BRAF: variants seen among roughly 807,000 people sequenced by gnomAD.
BRAF encodes B-Raf proto-oncogene, serine/threonine kinase, also known as serine/threonine-protein kinase B-raf.
Under a neutral mutation model 104.6 loss-of-function variants are expected in BRAF, and 16 were observed. The ratio of observed to expected loss-of-function variants is 0.15; its 90% confidence interval spans 0.10 to 0.23. BRAF has a LOEUF of 0.23. Ranked by LOEUF, BRAF falls within the 10% of genes least tolerant of loss-of-function variation. BRAF has a pLI of 1.00. For missense variants in BRAF, 541 were observed against 937.3 expected, an observed-to-expected ratio of 0.58 and a Z score of 5.52; for synonymous variants, 310 against 341.6, an observed-to-expected ratio of 0.91 and a Z score of 1.02.
intron 1 of BRAF, among the ~76,000 whole-genome samples, chr7:140,895,292 T>G (rs573246783): frequency 1.3e-5 from 2 of 152,262 alleles, no homozygotes; most frequent in South Asian, 4.1e-4. Flanking sequence ...TTTTTAAAAA[T>G]GCCCAACTGT....
At chr7:140,909,255 G>A (rs944370701) in intron 1 of BRAF, among the ~76,000 whole-genome samples, 13 of 151,784 alleles carry the variant, frequency 8.6e-5, no homozygotes, top group African/African-American at 3.1e-4. Flanking sequence ...GAAAACCCCC[G>A]TCTCTAATAA....
In BRAF at chr7:140,880,221, T is replaced by C. The variant is rs1180093393; in HGVS notation, c.139-30009A>G. 2.0e-5 allele frequency among the ~76,000 whole-genome samples: 3 copies of C among 152,286 alleles called. No individual in the cohort carries two copies. The East Asian group carries it at 5.8e-4, about 29-fold the overall frequency. On this transcript the variant is annotated intron_variant, in intron 1 of 19. Coordinates refer to ENST00000644969, the MANE Select transcript of BRAF (RefSeq NM_001374258.1). ...AACTAATTTTATGTAAAATTCTAAA[T>C]CTTTTGCTGTCATTTTATCAGTGTT...
chr7:140,765,149 T>C (rs1394516045), intron 14 of BRAF, among the ~76,000 whole-genome samples: 1 of 151,918 alleles, frequency 6.6e-6, no homozygotes, highest in Non-Finnish European at 1.5e-5. Context: ...ACGCCACATA[T>C]CTACAACTAT....
At chr7:140,744,097 G>C (rs1452154657) in intron 17 of BRAF, among the ~76,000 whole-genome samples, 2 of 152,200 alleles carry the variant, frequency 1.3e-5, no homozygotes, top group Non-Finnish European at 2.9e-5. Context: ...TGCCTGATCA[G>C]AGTGTCTGTT....
At chr7:140,878,046 A>C (rs746421301) in intron 1 of BRAF, among the ~76,000 whole-genome samples, 7 of 152,156 alleles carry the variant, frequency 4.6e-5, no homozygotes, top group Non-Finnish European at 1.0e-4. Context: ...CTTTACACTA[A>C]TACAAAAGAC....
At chr7:140,814,404 C>G (rs1236011414) in intron 3 of BRAF, among the ~76,000 whole-genome samples, 1 of 152,136 alleles carries the variant, frequency 6.6e-6, no homozygotes, top group Non-Finnish European at 1.5e-5. Flanking sequence ...GTGGCTCATG[C>G]CTGTAATCCC....
intron 8 of BRAF, among the ~76,000 whole-genome samples, chr7:140,788,688 A>C (rs1449588115): frequency 6.6e-6 from 1 of 151,940 alleles, no homozygotes; most frequent in Non-Finnish European, 1.5e-5. Flanking sequence ...TCTTGGGTTC[A>C]AGTGATCCTC....
intron 1 of BRAF, among the ~76,000 whole-genome samples, chr7:140,918,775 T>C (rs1221100689): frequency 2.6e-5 from 4 of 152,252 alleles, no homozygotes; most frequent in Non-Finnish European, 5.9e-5. Context: ...TGCCAGGTAC[T>C]ATTATAGATG....
rs1255355860 is a variant in BRAF at position 140,724,713 on chromosome 7, T to C, written c.*1781A>G. ...GGAGTTACAATCTGAAATTTTTAAA[T>C]AACAATTTCTAATTCCTTGATTTAT... On this transcript the variant is annotated 3_prime_UTR_variant, in exon 20 of 20. Coordinates refer to ENST00000644969, the MANE Select transcript of BRAF (RefSeq NM_001374258.1). The C allele has an allele frequency of 1.9e-5, 20 of 1,032,634 alleles. No individual in the cohort carries two copies. The highest frequency in any genetic ancestry group is 2.1e-5 in the Non-Finnish European group (18 of 858,588). 64.0% of individuals were successfully genotyped at this position (1,032,634 alleles called of 1,614,324 possible).
chr7:140,801,320 A>T, intron 6 of BRAF, 92 bp downstream of exon 6: 2 of 1,433,980 alleles, frequency 1.4e-6, no homozygotes, highest in South Asian at 1.2e-5. Flanking sequence ...TGGAAGAAAA[A>T]CCCTCACAGA....
chr7:140,844,176 A>G (rs929797080), intron 2 of BRAF, among the ~76,000 whole-genome samples: 1 of 151,994 alleles, frequency 6.6e-6, no homozygotes, highest in Non-Finnish European at 1.5e-5. Flanking sequence ...TGCGCTCACC[A>G]TTGCTCCATC....
At chr7:140,759,038 G>A (rs1035213227) in intron 14 of BRAF, among the ~76,000 whole-genome samples, 69 of 152,142 alleles carry the variant, frequency 4.5e-4, no homozygotes, top group Admixed American at 4.3e-3. Context: ...CTTCTTTTGC[G>A]CAGCAAAACA....
chr7:140,887,433 C>T (rs1360733386), intron 1 of BRAF, among the ~76,000 whole-genome samples: 3 of 152,152 alleles, frequency 2.0e-5, no homozygotes, highest in African/African-American at 7.2e-5. Flanking sequence ...CACACCTAAT[C>T]TGACCGCAAA....
intron 1 of BRAF, among the ~76,000 whole-genome samples, chr7:140,913,445 T>C (rs1387930477): frequency 7.0e-6 from 1 of 142,656 alleles, no homozygotes; most frequent in African/African-American, 2.6e-5. Flanking sequence ...TTTGGATGAA[T>C]GACAAAGCAA....
At chr7:140,850,574 A>C (rs982837473) in intron 1 of BRAF, among the ~76,000 whole-genome samples, 4 of 152,242 alleles carry the variant, frequency 2.6e-5, no homozygotes, top group Admixed American at 6.5e-5. Context: ...AAAAAACATT[A>C]AGACATACAT....
At chr7:140,863,888 T>G (rs1810668677) in intron 1 of BRAF, among the ~76,000 whole-genome samples, 1 of 152,198 alleles carries the variant, frequency 6.6e-6, no homozygotes, top group South Asian at 2.1e-4. Flanking sequence ...CAATTAAACC[T>G]CTTTTCTTTA....
chr7:140,873,874 C>T (rs1811893626), intron 1 of BRAF, among the ~76,000 whole-genome samples: 2 of 152,224 alleles, frequency 1.3e-5, no homozygotes, highest in South Asian at 4.2e-4. Flanking sequence ...AGAATAGAAA[C>T]CTTACTGGCC....
At chr7:140,768,930 C>T (rs937700703) in intron 14 of BRAF, among the ~76,000 whole-genome samples, 19 of 152,208 alleles carry the variant, frequency 1.2e-4, no homozygotes, top group African/African-American at 4.3e-4. Context: ...GGAAAGCCCT[C>T]ACCAGAAGCC....
chr7:140,775,254 C>G (rs532570152), intron 14 of BRAF, among the ~76,000 whole-genome samples: 1 of 152,020 alleles, frequency 6.6e-6, no homozygotes, highest in Non-Finnish European at 1.5e-5. Context: ...GAAGAAATTG[C>G]AAAGAGACCA....
Sources: gnomAD v4.1 joint callset for allele counts (sites outside exome capture counted in the v4.1 genomes callset) on GRCh38, gnomAD v4.1.1 for gene constraint, MANE v1.5 for transcripts, NCBI Gene and HGNC (gene_info 2026-07-23, HGNC 2026-07-21) for gene names.